Variants in ELF4 observed in about 807,000 individuals in gnomAD.
ELF4 encodes the protein E74 like ETS transcription factor 4.
ELF4 carries 10 observed loss-of-function variants against 31.7 expected under a neutral mutation model. The observed-to-expected ratio is 0.32, with a 90% confidence interval of 0.19 to 0.54. The LOEUF (loss-of-function observed/expected upper bound fraction) is 0.54, where lower values mean the gene tolerates loss of function less well. Ranked by LOEUF, ELF4 falls within the 20% of genes least tolerant of loss-of-function variation. The pLI is 0.95. For missense variants in ELF4, 418 were observed against 522.0 expected (o/e 0.80, Z 1.94); for synonymous variants, 208 against 226.7 (o/e 0.92, Z 0.74).
chrX:130,066,695 G>T lies in ELF4; in HGVS notation c.*26C>A. 1 of 1,202,613 alleles carries T rather than the reference G, an allele frequency of 8.3e-7. No homozygotes were observed. Among genetic ancestry groups the T allele is most frequent in the Admixed American group, 2.2e-5 (1 of 45,770 alleles). On this transcript the variant is annotated 3_prime_UTR_variant, in exon 9 of 9. Transcript: ENST00000308167. ...AAATGCTGCTCAATTTTGCCTGGTG[G>T]GTCACACTTGCCCTGACCCCTTTGC...
At chrX:130,074,973 A>ATTT (rs34626511) in intron 2 of ELF4, among the ~76,000 whole-genome samples, 1 of 102,351 alleles carries the variant, frequency 9.8e-6, no homozygotes, top group Non-Finnish European at 2.0e-5. Context: ...CCCTTTAAGC[A>ATTT]TTTTTTTTTT....
At chrX:130,089,531 A>C (rs985884059) in intron 1 of ELF4, among the ~76,000 whole-genome samples, 1 of 104,974 alleles carries the variant, frequency 9.5e-6, no homozygotes, top group African/African-American at 3.5e-5. Context: ...AAAAAAAAAA[A>C]AAAAAACACC....
At chrX:130,074,885 T>G in intron 2 of ELF4, 133 bp from the exon 3 acceptor site, 1 of 750,468 alleles carries the variant, frequency 1.3e-6, no homozygotes, top group Non-Finnish European at 2.0e-6. Flanking sequence ...TAGGATGATA[T>G]AACTCTGGGT....
At chrX:130,102,408 T>G (rs911753103) in intron 1 of ELF4, among the ~76,000 whole-genome samples, 4 of 111,665 alleles carry the variant, frequency 3.6e-5, no homozygotes, top group Non-Finnish European at 5.6e-5. Flanking sequence ...GACCAATCAA[T>G]GGAATTGAAT....
chrX:130,083,948 C>A (rs891562579), intron 1 of ELF4, among the ~76,000 whole-genome samples: 1 of 111,280 alleles, frequency 9.0e-6, no homozygotes, highest in Non-Finnish European at 1.9e-5. Context: ...ACGGTGGATG[C>A]GGGTAGGTGT....
chrX:130,092,911 C>T (rs1309158595), intron 1 of ELF4, among the ~76,000 whole-genome samples: 1 of 110,816 alleles, frequency 9.0e-6, no homozygotes, highest in East Asian at 2.8e-4. Context: ...TACCAAAATC[C>T]ATGCACACTC....
chrX:130,109,911 C>A (rs1933445231), intron 1 of ELF4, among the ~76,000 whole-genome samples: 1 of 112,831 alleles, frequency 8.9e-6, no homozygotes, highest in East Asian at 2.8e-4. Context: ...CGCGTGTGTG[C>A]GTGTGACCCT....
rs759365678 is a variant in ELF4 at position 130,092,035 on chromosome X, C to T, written c.-209-10496G>A. On this transcript the variant is annotated intron_variant, in intron 1 of 8. Coordinates refer to ENST00000308167, the MANE Select transcript of ELF4 (RefSeq NM_001421.4). Reference sequence around the variant, plus strand: ...CCTTCCCGTCTGCTGACCTTTCTGCCCTCCTCTCGGAATTCCTCTCCTTGC... The same window carrying T: ...CCTTCCCGTCTGCTGACCTTTCTGCTCTCCTCTCGGAATTCCTCTCCTTGC... Among the ~76,000 whole-genome samples the T allele has an allele frequency of 8.0e-5, 9 of 112,146 alleles. No individual in the cohort carries two copies. The South Asian group carries it at 1.5e-3, about 19-fold the overall frequency.
At chrX:130,089,230 C>T (rs767578023) in intron 1 of ELF4, among the ~76,000 whole-genome samples, 2 of 109,247 alleles carry the variant, frequency 1.8e-5, no homozygotes, top group South Asian at 4.0e-4. Context: ...AGGCCAGGTG[C>T]GGTGGTACAC....
chrX:130,069,029 G>C (rs1932751803), intron 8 of ELF4, among the ~76,000 whole-genome samples: 1 of 111,392 alleles, frequency 9.0e-6, no homozygotes, highest in Non-Finnish European at 1.9e-5. Flanking sequence ...TTTGAGACCA[G>C]CCTGGTCAAC....
At chrX:130,103,404 C>CAT (rs1359035402) in intron 1 of ELF4, among the ~76,000 whole-genome samples, 2 of 112,453 alleles carry the variant, frequency 1.8e-5, no homozygotes, top group Non-Finnish European at 3.8e-5. Context: ...ACAAAGAAGA[C>CAT]ATATGGACAG....
In ELF4 at chrX:130,071,043, A is replaced by C; in HGVS notation, c.806T>G (p.Leu269Arg). 1 of 1,211,827 alleles carries C rather than the reference A, an allele frequency of 8.3e-7. No homozygotes were observed. Among genetic ancestry groups the C allele is most frequent in the East Asian group, 3.0e-5 (1 of 33,843 alleles). ...GCATCATCCCAACAGCTCCTACCTTAGTGCCCGCCCCATTGTCTCATAGTT... is the reference window on the plus strand; with the variant it reads ...GCATCATCCCAACAGCTCCTACCTTCGTGCCCGCCCCATTGTCTCATAGTT... Reference protein sequence around the residue: ...DMNYETMGRALRYYYQRGILA... With the variant: ...DMNYETMGRARRYYYQRGILA... The change falls in exon 7 of 9, where the codon CTA becomes CGA. Residue 269 changes from leucine (L) to arginine (R), a missense_variant. By Grantham distance (102) the Leu-to-Arg change is moderately radical (BLOSUM62 -2). This residue lies in a region of ELF4 where 35 missense variants were observed against 84.0 expected (regional missense o/e 0.42). Coordinates refer to ENST00000308167, the MANE Select transcript of ELF4 (RefSeq NM_001421.4).
At position 130,094,874 on chromosome X, in the gene ELF4, G is replaced by A. The variant is rs759460506; in HGVS notation, c.-209-13335C>T. ...GTTACAAGCCTGGCTCAAAGCTGGC[G>A]GCACGTGTTTGGGTGGAGGGGGTGG... On this transcript the variant is annotated intron_variant, in intron 1 of 8. Transcript: ENST00000308167. 4.5e-5 allele frequency among the ~76,000 whole-genome samples: 5 copies of A among 111,437 alleles called. No individual in the cohort carries two copies. In the East Asian group the frequency reaches 1.1e-3, roughly 25 times the overall value.
At chrX:130,108,676 C>T (rs964743218) in intron 1 of ELF4, among the ~76,000 whole-genome samples, 4 of 110,431 alleles carry the variant, frequency 3.6e-5, no homozygotes, top group Non-Finnish European at 5.7e-5. Context: ...CAGGGGTGGG[C>T]GCCAGTTCCT....
Position 130,087,114 on chromosome X carries a change from C to T in ELF4, c.-209-5575G>A, listed in dbSNP as rs770742950. On this transcript the variant is annotated intron_variant, in intron 1 of 8. Transcript: ENST00000308167. ...AGCTGCTCTGAGAAGGCCAAAAGAG[C>T]ACCCCCTGGAAGTGCCTGCGGCCAC... Among the ~76,000 whole-genome samples, 7 of 113,010 alleles carry T rather than the reference C, an allele frequency of 6.2e-5. No individual in the cohort carries two copies. In the South Asian group the frequency reaches 2.5e-3, roughly 40 times the overall value.
chrX:130,074,579 A>C lies in ELF4; in HGVS notation c.247+2T>G, dbSNP rs1374023385. On this transcript the variant is annotated splice_donor_variant, in intron 3 of 8. Transcript: ENST00000308167. LOFTEE classifies it high-confidence loss of function. ...CCTTCTCTGCCCAGGAAGGGAACAGACCTGTCAGCAAAAAACTGCCTTCCA... is the reference window on the plus strand; with the variant it reads ...CCTTCTCTGCCCAGGAAGGGAACAGCCCTGTCAGCAAAAAACTGCCTTCCA... 1 of 1,211,387 alleles carries C rather than the reference A, an allele frequency of 8.3e-7. No homozygotes were observed. The highest frequency in any genetic ancestry group is 1.1e-6 in the Non-Finnish European group (1 of 895,434).
At position 130,067,524 on chromosome X, in the gene ELF4, C is replaced by T; in HGVS notation, c.1189G>A (p.Ala397Thr). 8.3e-7 allele frequency: 1 copy of T among 1,211,187 alleles called. No homozygotes were observed. Among genetic ancestry groups the T allele is most frequent in the Non-Finnish European group, 1.1e-6 (1 of 894,967 alleles). Residue 397 changes from alanine to threonine, a missense_variant and splice_region_variant, in exon 9 of 9, where the codon GCA (alanine) becomes ACA (threonine). Transcript: ENST00000308167. ...GQVKLTKAVS[A>T]SSVPSNIHLG... ...TGGATGTTGCTGGGCACTGAAGATG[C>T]ACTGAGAAGAAACAGAGAACAGAGT...
chrX:130,102,876 GAGAGAGAGAGAAAGAA>G (rs1176926237), intron 1 of ELF4, among the ~76,000 whole-genome samples: 7 of 56,717 alleles, frequency 1.2e-4, no homozygotes, highest in East Asian at 1.2e-3. Flanking sequence ...GAGAGAGAGA[GAGAGAGAGAGAAAGAA>G]AGAAAGAAAG....
In ELF4 at chrX:130,074,582, T is replaced by C; in HGVS notation, c.246A>G (p.Thr82=). 8.3e-7 allele frequency: 1 copy of C among 1,211,701 alleles called. No homozygotes were observed. The highest frequency in any genetic ancestry group is 2.3e-4 in the Middle Eastern group (1 of 4,354). Residue 82 remains threonine (T), a splice_region_variant and synonymous_variant, in exon 3 of 9, where the codon ACA becomes ACG. Transcript: ENST00000308167. ...TCTCTGCCCAGGAAGGGAACAGACC[T>C]GTCAGCAAAAAACTGCCTTCCAGGA... ...DQILEGSFLL[T]DDNEATSHTM...
Sources: allele counts gnomAD v4.1 joint callset (sites outside exome capture counted in the v4.1 genomes callset), GRCh38; gene constraint gnomAD v4.1.1; regional missense constraint gnomAD v4.1.1; transcripts MANE v1.5; gene names NCBI Gene and HGNC (gene_info 2026-07-23, HGNC 2026-07-21).